RB1: variants seen among roughly 807,000 people sequenced by gnomAD.
RB1 encodes the protein retinoblastoma-associated protein.
RB1 carries 18 observed loss-of-function variants against 135.4 expected under a neutral mutation model. The ratio of observed to expected loss-of-function variants is 0.13; its 90% CI spans 0.09 to 0.20. RB1 has a LOEUF of 0.20. Ranked by LOEUF, RB1 falls within the 10% of genes least tolerant of loss-of-function variation. The pLI is 1.00. For missense variants in RB1, 868 were observed against 1,110.0 expected (o/e 0.78, Z 3.10); for synonymous variants, 365 against 373.2 (o/e 0.98, Z 0.25).
intron 17 of RB1, among the ~76,000 whole-genome samples, chr13:48,432,324 A>T (rs1176385065): frequency 6.6e-6 from 1 of 151,536 alleles, no homozygotes; most frequent in Non-Finnish European, 1.5e-5. Context: ...GGCAAATAGA[A>T]ATTTCTAAAC....
In RB1 at chr13:48,373,693, T is replaced by C. The variant is rs114816090; in HGVS notation, c.1215+201T>C. On this transcript the variant is annotated intron_variant, in intron 12 of 26. Transcript: ENST00000267163. Reference sequence around the variant, plus strand: ...TATTTATACAGTGTTATTTAAAACATTTTTATGTTTACCTATTTGCCTTGC... The same window carrying C: ...TATTTATACAGTGTTATTTAAAACACTTTTATGTTTACCTATTTGCCTTGC... Among the ~76,000 whole-genome samples the C allele has an allele frequency of 2.3e-3, 346 of 152,228 alleles. 1 individual carries two copies. Among genetic ancestry groups the C allele is most frequent in the African/African-American group, 7.7e-3 (321 of 41,558 alleles).
At chr13:48,407,097 C>T (rs997756556) in intron 17 of RB1, among the ~76,000 whole-genome samples, 1 of 152,202 alleles carries the variant, frequency 6.6e-6, no homozygotes, top group Non-Finnish European at 1.5e-5. Flanking sequence ...GAACCTAGCA[C>T]ATTTACCCCA....
intron 17 of RB1, among the ~76,000 whole-genome samples, chr13:48,392,795 T>C (rs759632039): frequency 1.1e-4 from 16 of 152,160 alleles, no homozygotes; most frequent in Non-Finnish European, 1.9e-4. Context: ...TGTTTCTGCT[T>C]TTTTGACTGC....
chr13:48,395,843 C>G (rs1948643738), intron 17 of RB1, among the ~76,000 whole-genome samples: 1 of 152,094 alleles, frequency 6.6e-6, no homozygotes, highest in Non-Finnish European at 1.5e-5. Flanking sequence ...CCCAACCCAA[C>G]AAAACAGGCC....
chr13:48,423,677 CA>C (rs1949040441), intron 17 of RB1, among the ~76,000 whole-genome samples: 1 of 151,208 alleles, frequency 6.6e-6, no homozygotes, highest in Non-Finnish European at 1.5e-5. Context: ...AGGGGATATG[CA>C]AAAAGAAAAA....
chr13:48,456,859 A>G (rs1351049226), intron 19 of RB1, among the ~76,000 whole-genome samples: 1 of 152,246 alleles, frequency 6.6e-6, no homozygotes, highest in African/African-American at 2.4e-5. Context: ...GCACTGGGGA[A>G]CAATAAAATG....
intron 18 of RB1, among the ~76,000 whole-genome samples, chr13:48,455,021 G>A (rs1046106533): frequency 6.6e-6 from 1 of 152,200 alleles, no homozygotes; most frequent in African/African-American, 2.4e-5. Flanking sequence ...AAAAAGCGAG[G>A]AAACCAATTT....
rs749768869 is a variant in RB1, at chr13:48,411,688, T to C, written c.1695+30245T>C. 1.4e-5 allele frequency: 22 copies of C among 1,609,412 alleles called. No homozygotes were observed. Among genetic ancestry groups the C allele is most frequent in the Middle Eastern group, 1.6e-4 (1 of 6,080 alleles). On this transcript the variant is annotated intron_variant, in intron 17 of 26. Transcript: ENST00000267163. ...AGAGAATATAAAATAAGATTGATAT[T>C]GTAAGGAACAAAACAGAAACAGAAT...
At chr13:48,392,750 TTCTC>T (rs56362226) in intron 17 of RB1, among the ~76,000 whole-genome samples, 126,142 of 151,308 alleles carry the variant, frequency 0.83, 56,053 homozygotes, top group East Asian at 1. Context: ...TGACTGATAG[TTCTC>T]TCTCTCTCTC....
chr13:48,388,386 C>A lies in RB1; in HGVS notation c.1695+6943C>A, dbSNP rs1948586193. ...TCATTTCAATAGAGGTGTCAAGTAG[C>A]AGTTGGATATGTGTGTCTGGAACTT... On this transcript the variant is annotated intron_variant, in intron 17 of 26. Transcript: ENST00000267163. Among the ~76,000 whole-genome samples, 3 of 152,220 alleles carry A rather than the reference C, an allele frequency of 2.0e-5. No individual in the cohort carries two copies. In the South Asian group the frequency reaches 6.2e-4, roughly 32 times the overall value.
At chr13:48,421,586 C>G (rs1949005530) in intron 17 of RB1, among the ~76,000 whole-genome samples, 1 of 152,134 alleles carries the variant, frequency 6.6e-6, no homozygotes, top group South Asian at 2.1e-4. Flanking sequence ...AGGCAACCTA[C>G]AGAATGGGAG....
In RB1 at chr13:48,400,474, A is replaced by C. The variant is rs1948682205; in HGVS notation, c.1695+19031A>C. Reference sequence around the variant, plus strand: ...TTTACTGTTTGGTATGTGCATTGTCATGATTCGTTTATTTGCTCATGTTTT... The same window carrying C: ...TTTACTGTTTGGTATGTGCATTGTCCTGATTCGTTTATTTGCTCATGTTTT... On this transcript the variant is annotated intron_variant, in intron 17 of 26. Coordinates refer to ENST00000267163, the MANE Select transcript of RB1 (RefSeq NM_000321.3). 1.3e-5 allele frequency among the ~76,000 whole-genome samples: 2 copies of C among 152,060 alleles called. 1 individual carries two copies. Among genetic ancestry groups the C allele is most frequent in the South Asian group, 4.1e-4 (2 of 4,828 alleles).
At chr13:48,453,416 T>A (rs1949340947) in intron 18 of RB1, among the ~76,000 whole-genome samples, 1 of 152,076 alleles carries the variant, frequency 6.6e-6, no homozygotes, top group African/African-American at 2.4e-5. Context: ...AGGAGTGTGT[T>A]CCAAGAGTCA....
chr13:48,447,910 T>C, intron 17 of RB1, among the ~76,000 whole-genome samples: 1 of 152,220 alleles, frequency 6.6e-6, no homozygotes, highest in Admixed American at 6.5e-5. Context: ...ACTTTTAGTA[T>C]AATCCTATTG....
intron 19 of RB1, among the ~76,000 whole-genome samples, chr13:48,457,771 A>T (rs973113058): frequency 6.6e-6 from 1 of 152,228 alleles, no homozygotes; most frequent in African/African-American, 2.4e-5. Flanking sequence ...GAGCGTGCGC[A>T]CATCTGGCTG....
chr13:48,397,277 A>T (rs953426965), intron 17 of RB1, among the ~76,000 whole-genome samples: 7 of 152,246 alleles, frequency 4.6e-5, no homozygotes, highest in African/African-American at 1.7e-4. Context: ...GGATAAAGAA[A>T]ATGTGGCACA....
intron 24 of RB1, among the ~76,000 whole-genome samples, chr13:48,476,004 T>C (rs1436416178): frequency 6.6e-6 from 1 of 152,226 alleles, no homozygotes. Context: ...TAATTTAAAA[T>C]ATTATACATT....
At chr13:48,338,776 T>A (rs1952411854) in intron 2 of RB1, among the ~76,000 whole-genome samples, 1 of 152,254 alleles carries the variant, frequency 6.6e-6, no homozygotes, top group Admixed American at 6.5e-5. Flanking sequence ...AATTTTCAGC[T>A]TTTCTGCTGT....
intron 17 of RB1, among the ~76,000 whole-genome samples, chr13:48,397,637 T>C (rs1025583072): frequency 6.6e-6 from 1 of 152,174 alleles, no homozygotes; most frequent in Non-Finnish European, 1.5e-5. Context: ...GAACTTAAAG[T>C]ATAATAAAAA....
Sources: allele counts gnomAD v4.1 joint callset (sites outside exome capture counted in the v4.1 genomes callset), GRCh38; gene constraint gnomAD v4.1.1; transcripts MANE v1.5; gene names NCBI Gene and HGNC (gene_info 2026-07-23, HGNC 2026-07-21).